The following ATP13A4 variants were observed in gnomAD, a reference collection of about 807,000 sequenced individuals.
ATP13A4 encodes ATPase 13A4, also known as probable cation-transporting ATPase 13A4.
A neutral mutation model predicts 142.5 loss-of-function variants in ATP13A4; 114 were observed. The observed-to-expected ratio is 0.80, with a 90% CI of 0.69 to 0.93. ATP13A4 has a LOEUF of 0.93. Among genes scored for constraint, ATP13A4 ranks in the 40% least tolerant of loss-of-function variants. The probability of loss-of-function intolerance (pLI) is 0.00; values close to 1 mark genes in which losing one functional copy is unlikely to be tolerated. For missense variants in ATP13A4, 1,392 were observed against 1,454.0 expected (o/e 0.96, Z 0.69); for synonymous variants, 488 against 514.8 (o/e 0.95, Z 0.70).
intron 8 of ATP13A4, among the ~76,000 whole-genome samples, chr3:193,474,639 G>C (rs1180659136): frequency 7.6e-6 from 1 of 131,640 alleles, no homozygotes; most frequent in Non-Finnish European, 1.6e-5. Context: ...AGACGAGAAA[G>C]AAAGAAAGGA....
rs553255058 is a variant in ATP13A4, at chr3:193,470,904, C to T, written c.898G>A (p.Val300Ile). Residue 300 changes from valine (V) to isoleucine (I), a missense_variant, in exon 9 of 30, where the codon GTT becomes ATT. Val to Ile is a conservative substitution (Grantham distance 29). Coordinates refer to ENST00000342695, the MANE Select transcript of ATP13A4 (RefSeq NM_032279.4). The part of the protein sequence containing the change: ...GNKVLMPCDA[V>I]LIEGSCVVDE... ...ACCACACAGCTGCCTTCAATCAGAA[C>T]GGCATCACATGGCATTAGCACTTTG... The T allele has an allele frequency of 2.0e-5, 32 of 1,614,128 alleles. No homozygotes were observed. The highest frequency in any genetic ancestry group is 1.7e-4 in the Middle Eastern group (1 of 6,052).
chr3:193,414,547 G>A, intron 26 of ATP13A4, 32 bp downstream of exon 26: 1 of 1,608,094 alleles, frequency 6.2e-7, no homozygotes, highest in Non-Finnish European at 8.5e-7. Flanking sequence ...AAATTAGAAT[G>A]TGAGAAGCAG....
At chr3:193,441,681 C>A in intron 19 of ATP13A4, 93 bp from the exon 20 acceptor site, 1 of 1,447,684 alleles carries the variant, frequency 6.9e-7, no homozygotes, top group Non-Finnish European at 9.6e-7. Context: ...GAAGACAGAC[C>A]AGGATCTATC....
rs1488095118 is a variant in ATP13A4, at chr3:193,554,541, T to G, written c.60+199A>C. ...AATACAATATTTTCATTCTAGCAAA[T>G]TTCTGCTGTCAGAGGTTATATTTAC... is the stretch of plus-strand genomic sequence containing the variant. On this transcript the variant is annotated intron_variant, in intron 1 of 29. Coordinates refer to ENST00000342695, the MANE Select transcript of ATP13A4 (RefSeq NM_032279.4). The G allele has an allele frequency of 1.1e-5, 7 of 655,354 alleles. No individual in the cohort carries two copies. The East Asian group carries it at 1.9e-4, about 18-fold the overall frequency. The allele number at this position is 655,354 out of a possible 1,614,324, so 40.6% of individuals were successfully genotyped here.
At chr3:193,441,175 T>C (rs955675070) in intron 20 of ATP13A4, among the ~76,000 whole-genome samples, 1 of 152,160 alleles carries the variant, frequency 6.6e-6, no homozygotes, top group African/African-American at 2.4e-5. Context: ...TGAGACCCCT[T>C]ACCATGGCAA....
chr3:193,454,178 G>A lies in ATP13A4; in HGVS notation c.1950C>T (p.Tyr650=). Residue 650 remains tyrosine, a synonymous_variant, in exon 17 of 30, where the codon TAC becomes TAT. Transcript: ENST00000342695. ...PTSFVSELQI[Y]TTQGFRVIAL... ...CTATGACTCGGAAGCCCTGTGTCGT[G>A]TAAATCTGAAGTTCGCTAACAAAAC... The A allele has an allele frequency of 6.2e-7, 1 of 1,614,078 alleles. No homozygotes were observed. Among genetic ancestry groups the A allele is most frequent in the South Asian group, 1.1e-5 (1 of 91,088 alleles).
chr3:193,574,536 T>C (rs56102513), intron 2 of ATP13A4, among the ~76,000 whole-genome samples: 10,285 of 151,916 alleles, frequency 0.068, 408 homozygotes, highest in Non-Finnish European at 0.088. Flanking sequence ...CTGGCCAACA[T>C]GGTGAAACCC....
At position 193,438,538 on chromosome 3, in the gene ATP13A4, GC is replaced by G; in HGVS notation, c.2608del (p.Ala870HisfsTer43). 1.9e-6 allele frequency: 3 copies of G among 1,614,160 alleles called. No individual in the cohort carries two copies. The highest frequency in any genetic ancestry group is 2.5e-6 in the Non-Finnish European group (3 of 1,180,026). ...HVGISLSEQE[A>X]SVASPFTSKT... The stretch of plus-strand genomic sequence containing the variant: ...GGAAGTGAAAGGTGAGGCCACAGAT[GC>G]CTCCTGCTCTGATAATGAGATGCCC... On this transcript the variant is annotated frameshift_variant, in exon 23 of 30. Transcript: ENST00000342695. LOFTEE classifies it high-confidence loss of function.
intron 1 of ATP13A4, among the ~76,000 whole-genome samples, chr3:193,546,021 G>T (rs1723204419): frequency 7.5e-6 from 1 of 133,116 alleles, no homozygotes; most frequent in Non-Finnish European, 1.6e-5. Flanking sequence ...GTGTGTGTGT[G>T]TGTTTTGGCA....
rs545295216 is a variant in ATP13A4, at chr3:193,441,235, T to C, written c.2439+231A>G. Among the ~76,000 whole-genome samples, 4 of 152,328 alleles carry C rather than the reference T, an allele frequency of 2.6e-5. No homozygotes were observed. The East Asian group carries it at 5.8e-4, about 22-fold the overall frequency. ...TCTGTATAATTCAAGAAATCACTGA[T>C]ACTTCAATCCTATAGATGGTGGAAA... On this transcript the variant is annotated intron_variant, in intron 20 of 29. Transcript: ENST00000342695.
chr3:193,563,009 G>A (rs1159288924), intron 2 of ATP13A4, among the ~76,000 whole-genome samples: 6 of 152,098 alleles, frequency 3.9e-5, no homozygotes, highest in South Asian at 2.1e-4. Context: ...ATATAATCCC[G>A]TTACTCCATG....
intron 1 of ATP13A4, among the ~76,000 whole-genome samples, chr3:193,521,754 G>A (rs905100432): frequency 2.6e-5 from 4 of 151,948 alleles, no homozygotes; most frequent in African/African-American, 7.3e-5. Context: ...TCCACATGGC[G>A]AAACCCCATC....
chr3:193,428,517 A>G (rs971123103), intron 25 of ATP13A4, among the ~76,000 whole-genome samples: 6 of 152,134 alleles, frequency 3.9e-5, no homozygotes, highest in African/African-American at 1.4e-4. Flanking sequence ...CACTATTCAC[A>G]ATAGCAAAGA....
intron 13 of ATP13A4, among the ~76,000 whole-genome samples, chr3:193,461,771 G>T (rs920980048): frequency 2.6e-5 from 4 of 152,198 alleles, no homozygotes; most frequent in African/African-American, 7.2e-5. Flanking sequence ...GTGCATCAGA[G>T]ATTTCATGTT....
intron 9 of ATP13A4, among the ~76,000 whole-genome samples, chr3:193,468,564 A>G (rs1345214896): frequency 1.3e-5 from 2 of 152,154 alleles, no homozygotes; most frequent in African/African-American, 2.4e-5. Context: ...CCTGGGCAAC[A>G]TGGTAAAACC....
chr3:193,462,864 G>A, intron 12 of ATP13A4, 41 bp from the exon 13 acceptor site: 1 of 1,600,276 alleles, frequency 6.2e-7, no homozygotes, highest in South Asian at 1.1e-5. Context: ...GAAGATCCAG[G>A]CAAGGAGCGG....
At chr3:193,465,712 T>C (rs1038186944) in intron 11 of ATP13A4, among the ~76,000 whole-genome samples, 1 of 152,208 alleles carries the variant, frequency 6.6e-6, no homozygotes, top group African/African-American at 2.4e-5. Flanking sequence ...TAGCTCTAAA[T>C]ATGCTACTTT....
chr3:193,558,844 A>AT, upstream of ATP13A4, among the ~76,000 whole-genome samples: 1 of 152,262 alleles, frequency 6.6e-6, no homozygotes, highest in African/African-American at 2.4e-5. Flanking sequence ...CCCTGAACTC[A>AT]TTTTTTCTCA....
In ATP13A4 at chr3:193,465,084, T is replaced by C. The variant is rs542106690; in HGVS notation, c.1317A>G (p.Thr439=). ...EVVRKALDVI[T]IAVPPALPAA... is the part of the protein sequence containing the mutation. The stretch of plus-strand genomic sequence containing the variant: ...CAGGTAGAGCCGGAGGAACCGCAAT[T>C]GTGATGACGTCAAGGGCTTTCCTCA... Residue 439 remains threonine (T), a synonymous_variant, in exon 12 of 30, where the codon ACA becomes ACG. Transcript: ENST00000342695. 6.2e-7 allele frequency: 1 copy of C among 1,614,086 alleles called. No homozygotes were observed. Among genetic ancestry groups the C allele is most frequent in the East Asian group, 2.2e-5 (1 of 44,886 alleles).
Sources: gnomAD v4.1 joint callset for allele counts (sites outside exome capture counted in the v4.1 genomes callset) on GRCh38, gnomAD v4.1.1 for gene constraint, MANE v1.5 for transcripts, NCBI Gene and HGNC (gene_info 2026-07-23, HGNC 2026-07-21) for gene names.